PCDHGB3: variants seen among roughly 807,000 people sequenced by gnomAD.
PCDHGB3 encodes the protein protocadherin gamma subfamily B, 3.
Under a neutral mutation model 59.2 loss-of-function variants are expected in PCDHGB3, and 40 were observed. That is an observed-to-expected ratio of 0.68 (90% CI 0.52 to 0.88). The LOEUF (loss-of-function observed/expected upper bound fraction) is 0.88. PCDHGB3 is among the 40% of genes least tolerant of loss of function. The pLI is 0.00. For missense variants in PCDHGB3, 1,309 were observed against 1,187.9 expected (o/e 1.10, Z -1.50); for synonymous variants, 581 against 503.6 (o/e 1.15, Z -2.06).
At chr5:141,404,635 A>C (rs2094549114) in intron 1 of PCDHGB3, 1 of 1,614,130 alleles carries the variant, frequency 6.2e-7, no homozygotes, top group Non-Finnish European at 8.5e-7. Context: ...ATGCCCCAGA[A>C]ATCCTGTACC....
chr5:141,370,843 C>A lies in PCDHGB3; in HGVS notation c.449C>A (p.Ala150Asp), dbSNP rs765653454. The A allele has an allele frequency of 6.2e-7, 1 of 1,614,052 alleles. No individual in the cohort carries two copies. The highest frequency in any genetic ancestry group is 1.1e-5 in the South Asian group (1 of 91,086). The change falls in exon 1 of 4, where the codon GCC becomes GAC. Residue 150 changes from alanine to aspartate, a missense_variant. Coordinates refer to ENST00000576222, the MANE Select transcript of PCDHGB3 (RefSeq NM_018924.5). ...LEISELALTG[A>D]TFALESAQDP... ...ATCAGCGAACTGGCTCTCACTGGAG[C>A]CACATTTGCCCTGGAATCTGCGCAA...
At chr5:141,404,399 G>T (rs1269569845) in intron 1 of PCDHGB3, 2 of 1,613,778 alleles carry the variant, frequency 1.2e-6, no homozygotes, top group African/African-American at 1.3e-5. Context: ...TGATAGCAAT[G>T]AGAATTCTAG....
intron 2 of PCDHGB3, among the ~76,000 whole-genome samples, chr5:141,505,177 A>T (rs917485235): frequency 6.6e-6 from 1 of 152,180 alleles, no homozygotes. Context: ...AAAAGAAAAA[A>T]GCATCGGAGG....
At chr5:141,501,409 A>G (rs1358547245) in intron 2 of PCDHGB3, among the ~76,000 whole-genome samples, 1 of 151,978 alleles carries the variant, frequency 6.6e-6, no homozygotes, top group African/African-American at 2.4e-5. Context: ...ACTGCTTGGA[A>G]AATAGTTGAC....
intron 1 of PCDHGB3, among the ~76,000 whole-genome samples, chr5:141,439,662 G>A (rs2098125902): frequency 6.6e-6 from 1 of 152,150 alleles, no homozygotes; most frequent in South Asian, 2.1e-4. Flanking sequence ...TAATTTCATG[G>A]AATGCAAATC....
intron 1 of PCDHGB3, among the ~76,000 whole-genome samples, chr5:141,424,888 G>C (rs2096846233): frequency 6.6e-6 from 1 of 152,178 alleles, no homozygotes; most frequent in Non-Finnish European, 1.5e-5. Context: ...GACTTATCTA[G>C]GGTTTTTGAT....
At position 141,489,754 on chromosome 5, in the gene PCDHGB3, C is replaced by G; in HGVS notation, c.2416-5053C>G. 1 of 1,614,110 alleles carries G rather than the reference C, an allele frequency of 6.2e-7. No homozygotes were observed. The highest frequency in any genetic ancestry group is 8.5e-7 in the Non-Finnish European group (1 of 1,179,972). ...CACCAATACTGTGAGCTTTTACACT[C>G]TAAGCCCCAACAGCCACTTCTCTCT... On this transcript the variant is annotated intron_variant, in intron 1 of 3. Coordinates refer to ENST00000576222, the MANE Select transcript of PCDHGB3 (RefSeq NM_018924.5). The surrounding 1 kb of genome is among the most constrained non-coding windows in gnomAD (Gnocchi z 4.5).
intron 1 of PCDHGB3, chr5:141,418,561 T>C: frequency 1.2e-6 from 2 of 1,614,006 alleles, no homozygotes; most frequent in Non-Finnish European, 1.7e-6. Context: ...TGGTAATAGA[T>C]GCCAATGACA....
Position 141,399,846 on chromosome 5 carries a change from G to T in PCDHGB3, c.2415+27037G>T, listed in dbSNP as rs377634920. 19 of 1,612,980 alleles carry T rather than the reference G, an allele frequency of 1.2e-5. No homozygotes were observed. The highest frequency in any genetic ancestry group is 5.3e-5 in the African/African-American group (4 of 75,050). On this transcript the variant is annotated intron_variant, in intron 1 of 3. Transcript: ENST00000576222. ...CCGACGGCTCTGCGCTCTTCGATAT[G>T]GTGCCGCGCGCTGCAGAGCCCGGCT...
intron 1 of PCDHGB3, among the ~76,000 whole-genome samples, chr5:141,459,348 C>G (rs1015330513): frequency 2.6e-5 from 4 of 152,194 alleles, no homozygotes; most frequent in Admixed American, 2.0e-4. Context: ...TCTTGAAATT[C>G]ATTCATGTTC....
At chr5:141,496,581 C>T (rs868326584) in intron 2 of PCDHGB3, among the ~76,000 whole-genome samples, 9 of 152,134 alleles carry the variant, frequency 5.9e-5, no homozygotes, top group African/African-American at 1.9e-4. Flanking sequence ...ATTTTAGGAA[C>T]GCAAAGCGCT....
Position 141,487,265 on chromosome 5 carries a change from G to C in PCDHGB3, c.2416-7542G>C, listed in dbSNP as rs144347539. 6,978 of 1,614,152 alleles carry C rather than the reference G, an allele frequency of 4.3e-3. 28 individuals carry two copies. Among genetic ancestry groups the C allele is most frequent in the Non-Finnish European group, 4.9e-3 (5,770 of 1,180,028 alleles). ...AACCCTCTACTTGGCTGTGTCCCTA[G>C]TGGCAATTTGCTTTGTCTCCTTTGG... On this transcript the variant is annotated intron_variant, in intron 1 of 3. Coordinates refer to ENST00000576222, the MANE Select transcript of PCDHGB3 (RefSeq NM_018924.5). This position sits in a 1 kb window ranked among gnomAD's most constrained non-coding sequence, Gnocchi z 5.0.
chr5:141,481,142 G>T (rs2099532501), intron 1 of PCDHGB3, among the ~76,000 whole-genome samples: 1 of 152,212 alleles, frequency 6.6e-6, no homozygotes, highest in Non-Finnish European at 1.5e-5. Context: ...GAAGTAAAGT[G>T]TTATTCTGGT....
At chr5:141,478,733 T>C (rs1562072874) in intron 1 of PCDHGB3, 8 of 1,537,128 alleles carry the variant, frequency 5.2e-6, no homozygotes, top group Non-Finnish European at 7.0e-6. Context: ...AGAGTGTGGT[T>C]TGTGGTCCCA....
chr5:141,395,077 AG>A lies in PCDHGB3; in HGVS notation c.2415+22270del, dbSNP rs747226962. 4.3e-6 allele frequency: 7 copies of A among 1,614,024 alleles called. No individual in the cohort carries two copies. The African/African-American group carries it at 9.3e-5, about 22-fold the overall frequency. On this transcript the variant is annotated intron_variant, in intron 1 of 3. Transcript: ENST00000576222. ...CAGGCTTTCCTGCAGACCTATTCCC[AG>A]GAAGTCTCCCTCACCGCCGACTCGC...
chr5:141,414,498 C>CT (rs748856262), intron 1 of PCDHGB3: 40 of 1,613,848 alleles, frequency 2.5e-5, no homozygotes, highest in Non-Finnish European at 3.3e-5. Context: ...CGGAAGCTCA[C>CT]TTTATGCTAC....
At position 141,476,105 on chromosome 5, in the gene PCDHGB3, C is replaced by T; in HGVS notation, c.2416-18702C>T. ...ATCTGGACCCCGCTGAGAGGAACTG[C>T]TTTTGAGTGAGATGGTCCCAGAGGC... On this transcript the variant is annotated intron_variant, in intron 1 of 3. Coordinates refer to ENST00000576222, the MANE Select transcript of PCDHGB3 (RefSeq NM_018924.5). This position sits in a 1 kb window ranked among gnomAD's most constrained non-coding sequence, Gnocchi z 7.6. 2.5e-6 allele frequency: 4 copies of T among 1,585,450 alleles called. No homozygotes were observed. The highest frequency in any genetic ancestry group is 3.4e-6 in the Non-Finnish European group (4 of 1,168,874).
At chr5:141,383,007 G>A (rs1047921009) in intron 1 of PCDHGB3, 1 of 1,613,748 alleles carries the variant, frequency 6.2e-7, no homozygotes, top group Non-Finnish European at 8.5e-7. Flanking sequence ...ACTCCGTGTC[G>A]GAGGAGACGG....
chr5:141,409,116 A>G (rs1236625059), intron 1 of PCDHGB3: 1 of 1,614,034 alleles, frequency 6.2e-7, no homozygotes. Flanking sequence ...AAGAATAACC[A>G]GTCATTTGAT....
Sources: gnomAD v4.1 joint callset for allele counts (sites outside exome capture counted in the v4.1 genomes callset) on GRCh38, gnomAD v4.1.1 for gene constraint, Gnocchi (gnomAD v3.1) non-coding constraint, MANE v1.5 for transcripts, NCBI Gene and HGNC (gene_info 2026-07-23, HGNC 2026-07-21) for gene names.